The following ZHX2 variants were observed in gnomAD, a reference collection of about 807,000 sequenced individuals.
ZHX2 encodes zinc fingers and homeoboxes protein 2.
Under a neutral mutation model 21.9 loss-of-function variants are expected in ZHX2, and 6 were observed. The ratio of observed to expected loss-of-function variants is 0.27; its 90% CI spans 0.15 to 0.54. The LOEUF (loss-of-function observed/expected upper bound fraction) is 0.54, where lower values mean the gene tolerates loss of function less well. ZHX2 is among the 20% of genes least tolerant of loss of function. ZHX2 has a pLI of 0.95. For synonymous variants in ZHX2, 434 were observed against 437.1 expected (o/e 0.99, Z 0.09); for missense variants, 908 against 1,090.7 (o/e 0.83, Z 2.36).
intron 1 of ZHX2, among the ~76,000 whole-genome samples, chr8:122,862,399 C>T (rs1057488302): frequency 2.6e-4 from 40 of 152,168 alleles, no homozygotes; most frequent in Admixed American, 2.6e-3. Flanking sequence ...TCCTTCCTTC[C>T]GTGATTAAGA....
chr8:122,939,065 G>A (rs1354838164), intron 2 of ZHX2, among the ~76,000 whole-genome samples: 1 of 152,206 alleles, frequency 6.6e-6, no homozygotes, highest in East Asian at 1.9e-4. Flanking sequence ...TGAGAATTTT[G>A]ATGGTAAAAT....
At chr8:122,853,076 C>T (rs1388798076) in intron 1 of ZHX2, among the ~76,000 whole-genome samples, 27 of 152,168 alleles carry the variant, frequency 1.8e-4, no homozygotes, top group Non-Finnish European at 7.3e-5. Flanking sequence ...ACATTTACCT[C>T]TTCCTGCCTC....
chr8:122,930,488 G>C (rs1348147215), intron 2 of ZHX2, among the ~76,000 whole-genome samples: 3 of 151,922 alleles, frequency 2.0e-5, no homozygotes, highest in Non-Finnish European at 4.4e-5. Flanking sequence ...TGCCTCCGTG[G>C]TGAAGGTGAT....
intron 3 of ZHX2, 130 bp downstream of exon 3, chr8:122,954,158 C>A: frequency 1.2e-6 from 1 of 811,172 alleles, no homozygotes; most frequent in Non-Finnish European, 1.9e-6. Flanking sequence ...TTGTAATTAA[C>A]AAATAAGAAT....
At chr8:122,863,759 AG>A (rs1819223473) in intron 2 of ZHX2, among the ~76,000 whole-genome samples, 1 of 152,142 alleles carries the variant, frequency 6.6e-6, no homozygotes, top group Non-Finnish European at 1.5e-5. Flanking sequence ...TGGAGCCTGC[AG>A]GTAGCTGGAC....
At chr8:122,837,173 C>A (rs1818522111) in intron 1 of ZHX2, among the ~76,000 whole-genome samples, 2 of 152,158 alleles carry the variant, frequency 1.3e-5, no homozygotes. Context: ...AAGAAATAAC[C>A]ATAAAAATGG....
At chr8:122,821,419 T>G (rs1453946537) in intron 1 of ZHX2, among the ~76,000 whole-genome samples, 3 of 152,172 alleles carry the variant, frequency 2.0e-5, no homozygotes, top group Non-Finnish European at 4.4e-5. Flanking sequence ...CAGTTGGGGC[T>G]TTGGCTTCCA....
At chr8:122,935,526 T>C (rs1812662290) in intron 2 of ZHX2, among the ~76,000 whole-genome samples, 3 of 146,002 alleles carry the variant, frequency 2.1e-5, no homozygotes, top group South Asian at 4.4e-4. Flanking sequence ...GATTATACCA[T>C]TGAGAGTAAC....
intron 2 of ZHX2, among the ~76,000 whole-genome samples, chr8:122,917,138 C>T (rs1586386939): frequency 6.6e-6 from 1 of 152,166 alleles, no homozygotes; most frequent in South Asian, 2.1e-4. Flanking sequence ...GCCTTGGGCT[C>T]CAAGTTGGGT....
intron 3 of ZHX2, among the ~76,000 whole-genome samples, chr8:122,972,977 TG>T (rs1813763552): frequency 6.6e-6 from 1 of 152,186 alleles, no homozygotes; most frequent in Non-Finnish European, 1.5e-5. Context: ...CACCTTCACT[TG>T]CCCAGAAAGT....
chr8:122,810,014 T>C (rs1287218562), intron 1 of ZHX2, among the ~76,000 whole-genome samples: 2 of 152,200 alleles, frequency 1.3e-5, no homozygotes, highest in Non-Finnish European at 2.9e-5. Flanking sequence ...TAGTGCTTGA[T>C]TTCTTGACCA....
chr8:122,971,784 C>T (rs535565583), intron 3 of ZHX2, among the ~76,000 whole-genome samples: 1 of 152,116 alleles, frequency 6.6e-6, no homozygotes, highest in East Asian at 1.9e-4. Context: ...TGCTTGGATC[C>T]CTTTCCCAGG....
At chr8:122,793,514 A>G (rs976119110) in intron 1 of ZHX2, among the ~76,000 whole-genome samples, 1 of 152,208 alleles carries the variant, frequency 6.6e-6, no homozygotes, top group African/African-American at 2.4e-5. Flanking sequence ...CTGCTGGATG[A>G]TACTTGGGGC....
intron 2 of ZHX2, among the ~76,000 whole-genome samples, chr8:122,921,520 C>CA (rs1278050463): frequency 6.6e-6 from 1 of 152,030 alleles, no homozygotes; most frequent in Non-Finnish European, 1.5e-5. Flanking sequence ...GCTCTCGCCA[C>CA]AAAAAAGAAG....
At chr8:122,922,087 G>C (rs1214109420) in intron 2 of ZHX2, among the ~76,000 whole-genome samples, 1 of 152,152 alleles carries the variant, frequency 6.6e-6, no homozygotes, top group African/African-American at 2.4e-5. Flanking sequence ...GTAGCTCTTT[G>C]TGCTAAAATG....
chr8:122,909,438 GAA>G (rs111855596), intron 2 of ZHX2, among the ~76,000 whole-genome samples: 18 of 125,714 alleles, frequency 1.4e-4, no homozygotes, highest in African/African-American at 4.6e-4. Context: ...GTCTCAAAAA[GAA>G]AAAAAAAAAA....
intron 1 of ZHX2, chr8:122,816,444 ATC>A (rs1491240015): frequency 7.6e-6 from 1 of 130,766 alleles, no homozygotes; most frequent in African/African-American, 3.2e-5. Flanking sequence ...TAATGAATCT[ATC>A]TTTTTTTTTT....
At chr8:122,961,023 A>G (rs2130338475) in intron 3 of ZHX2, among the ~76,000 whole-genome samples, 1 of 152,350 alleles carries the variant, frequency 6.6e-6, no homozygotes, top group South Asian at 2.1e-4. Context: ...TATAACCTTA[A>G]TACTTACTGT....
intron 2 of ZHX2, among the ~76,000 whole-genome samples, chr8:122,887,247 C>G (rs570009579): frequency 7.2e-5 from 11 of 152,198 alleles, no homozygotes; most frequent in African/African-American, 1.7e-4. Context: ...GGCGTGGTGG[C>G]TCACGCCTGT....
Sources: allele counts gnomAD v4.1 joint callset (sites outside exome capture counted in the v4.1 genomes callset), GRCh38; gene constraint gnomAD v4.1.1; transcripts MANE v1.5; gene names NCBI Gene and HGNC (gene_info 2026-07-23, HGNC 2026-07-21).